The following ARHGAP42 variants were observed in gnomAD, a reference collection of about 807,000 sequenced individuals.
ARHGAP42 encodes the protein Rho GTPase activating protein 42, also known as rho GTPase-activating protein 42.
ARHGAP42 carries 63 observed loss-of-function variants against 125.0 expected under a neutral mutation model. That is an observed-to-expected ratio of 0.50 (90% CI 0.41 to 0.62). ARHGAP42 has a LOEUF of 0.62. Ranked by LOEUF, ARHGAP42 falls within the 20% of genes least tolerant of loss-of-function variation. The pLI is 0.00. For missense variants in ARHGAP42, 766 were observed against 1,024.2 expected (o/e 0.75, Z 3.44); for synonymous variants, 339 against 351.0 (o/e 0.97, Z 0.38).
At chr11:100,765,529 G>A (rs2070281066) in intron 1 of ARHGAP42, among the ~76,000 whole-genome samples, 1 of 152,098 alleles carries the variant, frequency 6.6e-6, no homozygotes, top group Non-Finnish European at 1.5e-5. Flanking sequence ...GCTATTGTGA[G>A]GACTAATGGG....
At position 100,940,651 on chromosome 11, in the gene ARHGAP42, A is replaced by T. The variant is rs538012756; in HGVS notation, c.833-1133A>T. The stretch of plus-strand genomic sequence containing the variant: ...GTTTCTTCTCATATAAATAGTGGAA[A>T]TTATTTTCATTTTAAAGAGTAATTT... On this transcript the variant is annotated intron_variant, in intron 8 of 23. Transcript: ENST00000298815. 1.7e-4 allele frequency among the ~76,000 whole-genome samples: 26 copies of T among 152,326 alleles called. 1 individual carries two copies. The East Asian group carries it at 4.6e-3, about 27-fold the overall frequency.
chr11:100,719,114 TAGAATA>T (rs1285274635), intron 1 of ARHGAP42, among the ~76,000 whole-genome samples: 2 of 152,216 alleles, frequency 1.3e-5, no homozygotes, highest in African/African-American at 4.8e-5. Flanking sequence ...TTGAAAAACT[TAGAATA>T]AGAGCATTTA....
At chr11:100,714,266 A>C (rs1591122945) in intron 1 of ARHGAP42, among the ~76,000 whole-genome samples, 2 of 152,262 alleles carry the variant, frequency 1.3e-5, no homozygotes, top group South Asian at 2.1e-4. Flanking sequence ...TAAATGTTGC[A>C]ATGTGAAAAG....
intron 1 of ARHGAP42, among the ~76,000 whole-genome samples, chr11:100,769,640 A>G (rs1862921650): frequency 6.6e-6 from 1 of 150,922 alleles, no homozygotes. Context: ...TTTATGCAGA[A>G]TATTATTGGT....
chr11:100,786,012 T>A (rs924055473), intron 2 of ARHGAP42, among the ~76,000 whole-genome samples: 1 of 152,208 alleles, frequency 6.6e-6, no homozygotes, highest in Non-Finnish European at 1.5e-5. Flanking sequence ...CTTTTTTCCC[T>A]CTGTGAAATC....
intron 1 of ARHGAP42, among the ~76,000 whole-genome samples, chr11:100,698,039 T>G (rs73571437): frequency 0.012 from 1,890 of 152,324 alleles, 40 homozygotes; most frequent in African/African-American, 0.043. Flanking sequence ...ATTATTTATT[T>G]TAAAACATTT....
chr11:100,710,568 C>A (rs1036400090), intron 1 of ARHGAP42, among the ~76,000 whole-genome samples: 1 of 89,806 alleles, frequency 1.1e-5, no homozygotes, highest in Admixed American at 1.2e-4. Context: ...GAGACAGAGT[C>A]TCGCTCTGTC....
At chr11:100,907,651 CA>C (rs1178346094) in intron 4 of ARHGAP42, among the ~76,000 whole-genome samples, 2 of 152,138 alleles carry the variant, frequency 1.3e-5, no homozygotes, top group African/African-American at 4.8e-5. Context: ...CCTTGGGCTC[CA>C]GGTAATGCCT....
chr11:100,835,613 G>A (rs1056782709), intron 3 of ARHGAP42, among the ~76,000 whole-genome samples: 7 of 152,066 alleles, frequency 4.6e-5, no homozygotes, highest in South Asian at 2.1e-4. Flanking sequence ...TTATCACATC[G>A]TAACTATATT....
At chr11:100,775,704 A>G (rs1863102345) in intron 2 of ARHGAP42, among the ~76,000 whole-genome samples, 1 of 152,234 alleles carries the variant, frequency 6.6e-6, no homozygotes, top group African/African-American at 2.4e-5. Flanking sequence ...TGTATAGGAT[A>G]ATAAAAGACT....
intron 22 of ARHGAP42, among the ~76,000 whole-genome samples, chr11:100,980,559 C>CTTTTTTTTTTTTTTTTTTTTTTTTT (rs763302463): frequency 2.1e-4 from 11 of 51,952 alleles, no homozygotes; most frequent in East Asian, 1.7e-3. Context: ...TTTTCTTCTT[C>CTTTTTTTTTTTTTTTTTTTTTTTTT]TTTTTTTTTT....
At chr11:100,806,996 C>T (rs1216340767) in intron 3 of ARHGAP42, among the ~76,000 whole-genome samples, 20 of 151,740 alleles carry the variant, frequency 1.3e-4, no homozygotes, top group African/African-American at 4.8e-4. Context: ...TATAGCTGCC[C>T]GCCACCACGC....
chr11:100,768,117 A>G (rs1460295240), intron 1 of ARHGAP42, among the ~76,000 whole-genome samples: 4 of 152,200 alleles, frequency 2.6e-5, no homozygotes, highest in Non-Finnish European at 5.9e-5. Flanking sequence ...TAGGACCACA[A>G]TTATTCTGTT....
At chr11:100,958,546 CAT>C (rs1292373871) in intron 12 of ARHGAP42, among the ~76,000 whole-genome samples, 4 of 151,490 alleles carry the variant, frequency 2.6e-5, no homozygotes, top group African/African-American at 4.9e-5. Flanking sequence ...TATATACACA[CAT>C]ATATATATAT....
chr11:100,855,631 C>T (rs1865306129), intron 3 of ARHGAP42, among the ~76,000 whole-genome samples: 1 of 151,894 alleles, frequency 6.6e-6, no homozygotes, highest in African/African-American at 2.4e-5. Flanking sequence ...CGTTTCTAGC[C>T]ATTACTTTTG....
intron 1 of ARHGAP42, among the ~76,000 whole-genome samples, chr11:100,768,122 T>G (rs1014922277): frequency 1.3e-5 from 2 of 152,146 alleles, no homozygotes; most frequent in African/African-American, 4.8e-5. Flanking sequence ...CCACAATTAT[T>G]CTGTTAAATA....
intron 1 of ARHGAP42, among the ~76,000 whole-genome samples, chr11:100,751,929 G>A (rs2120353408): frequency 1.3e-5 from 2 of 151,860 alleles, no homozygotes; most frequent in Middle Eastern, 3.4e-3. Flanking sequence ...ACAGGTGCCT[G>A]CCACCATGCC....
At chr11:100,838,746 T>TA (rs1032984378) in intron 3 of ARHGAP42, among the ~76,000 whole-genome samples, 8 of 152,028 alleles carry the variant, frequency 5.3e-5, no homozygotes, top group Non-Finnish European at 1.0e-4. Context: ...TCATAGTGTT[T>TA]AAAAAAATCT....
chr11:100,700,838 G>T (rs1317240938), intron 1 of ARHGAP42, among the ~76,000 whole-genome samples: 1 of 152,104 alleles, frequency 6.6e-6, no homozygotes, highest in Non-Finnish European at 1.5e-5. Flanking sequence ...ATGATATTTT[G>T]ACCTCCTGTC....
Sources: gnomAD v4.1 joint callset for allele counts (sites outside exome capture counted in the v4.1 genomes callset) on GRCh38, gnomAD v4.1.1 for gene constraint, MANE v1.5 for transcripts, NCBI Gene and HGNC (gene_info 2026-07-23, HGNC 2026-07-21) for gene names.